The following PHLDB3 variants were observed in gnomAD, a reference collection of about 807,000 sequenced individuals.
The protein encoded by PHLDB3 is pleckstrin homology like domain family B member 3, also known as pleckstrin homology-like domain family B member 3.
In PHLDB3, 86 loss-of-function variants were observed where a neutral mutation model predicts 85.7. That is an observed-to-expected ratio of 1.00 (90% CI 0.84 to 1.20). The LOEUF is 1.20. Ranked by LOEUF, PHLDB3 falls within the 50% of genes most tolerant of loss-of-function variation. The pLI is 0.00. For missense variants in PHLDB3, 995 were observed against 873.0 expected (o/e 1.14, Z -1.76); for synonymous variants, 376 against 349.8 (o/e 1.07, Z -0.83).
At chr19:43,493,392 T>C (rs1971367004) in intron 9 of PHLDB3, among the ~76,000 whole-genome samples, 2 of 151,938 alleles carry the variant, frequency 1.3e-5, no homozygotes, top group Admixed American at 1.3e-4. Flanking sequence ...TCCCAGCAAT[T>C]TGGGAGGCTA....
At chr19:43,497,900 C>A in intron 4 of PHLDB3, 24 bp from the exon 5 acceptor site, 1 of 1,585,056 alleles carries the variant, frequency 6.3e-7, no homozygotes, top group South Asian at 1.2e-5. Flanking sequence ...AAGGTTCTCA[C>A]CCTCAGCTTA....
rs757285989 is a variant in PHLDB3 at position 43,486,851 on chromosome 19, A to T, written c.1269T>A (p.Ala423=). The T allele has an allele frequency of 7.0e-6, 11 of 1,568,204 alleles. No homozygotes were observed. The Admixed American group carries it at 1.4e-4, about 21-fold the overall frequency. The change falls in exon 11 of 16, where the codon GCT becomes GCA. Residue 423 remains alanine (A), a synonymous_variant. Coordinates refer to ENST00000292140, the MANE Select transcript of PHLDB3 (RefSeq NM_198850.4). ...CGGAGTCCCCCACTGCTGGCGGGAG[A>T]GCTGAGGCCTCCAGGGATTCTAGGG... ...FHCTESLEAS[A]LPPAVGDSGR...
chr19:43,476,094 C>T (rs2042449045), intron 15 of PHLDB3, among the ~76,000 whole-genome samples: 1 of 152,136 alleles, frequency 6.6e-6, no homozygotes, highest in African/African-American at 2.4e-5. Context: ...TGTGCCAGGC[C>T]GAGAAATTTA....
Position 43,494,602 on chromosome 19 carries a change from G to A in PHLDB3, c.1149+100C>T, listed in dbSNP as rs1010665827. On this transcript the variant is annotated intron_variant, in intron 9 of 15. Transcript: ENST00000292140. ...CCGGCCCCATACAGAAAATCAGAGT[G>A]GAAGTTCTGGAGACCCCAGTTCGGG... 78 of 949,952 alleles carry A rather than the reference G, an allele frequency of 8.2e-5. 1 individual carries two copies. Among genetic ancestry groups the A allele is most frequent in the Non-Finnish European group, 1.2e-4 (76 of 638,382 alleles). The allele number at this position is 949,952 out of a possible 1,614,324, so 58.8% of individuals were successfully genotyped here. A position where few individuals can be genotyped will look rare whatever the true frequency, so the allele number is the denominator to read the frequency against.
Position 43,479,291 on chromosome 19 carries a change from G to A in PHLDB3, c.1702+86C>T, listed in dbSNP as rs532363541. ...ATCCTGGGGAACATGGAAAGTGGGG[G>A]CCAGGACTTCTGGTGCCTGTAGAGG... is the stretch of plus-strand genomic sequence containing the variant. On this transcript the variant is annotated intron_variant, in intron 14 of 15. Coordinates refer to ENST00000292140, the MANE Select transcript of PHLDB3 (RefSeq NM_198850.4). The A allele has an allele frequency of 6.0e-4, 814 of 1,350,322 alleles. 1 individual carries two copies. The highest frequency in any genetic ancestry group is 8.0e-4 in the Admixed American group (39 of 48,668). The allele number at this position is 1,350,322 out of a possible 1,614,324, so 83.6% of individuals were successfully genotyped here. A position where few individuals can be genotyped will look rare whatever the true frequency, so the allele number is the denominator to read the frequency against.
intron 9 of PHLDB3, among the ~76,000 whole-genome samples, chr19:43,488,275 G>C (rs1971231328): frequency 6.6e-6 from 1 of 152,040 alleles, no homozygotes; most frequent in Admixed American, 6.6e-5. Context: ...GGGCAACATG[G>C]TGAAACTCTG....
At chr19:43,490,227 A>C (rs1971283326) in intron 9 of PHLDB3, among the ~76,000 whole-genome samples, 1 of 152,010 alleles carries the variant, frequency 6.6e-6, no homozygotes, top group Non-Finnish European at 1.5e-5. Flanking sequence ...TTAGGTAGTA[A>C]ATTTAGGAAT....
At chr19:43,501,594 C>T in intron 4 of PHLDB3, 140 bp downstream of exon 4, 1 of 1,414,688 alleles carries the variant, frequency 7.1e-7, no homozygotes, top group Non-Finnish European at 9.3e-7. Flanking sequence ...GGAGGGGCAT[C>T]TGCCCCTCAC....
At chr19:43,489,426 C>A (rs1171662536) in intron 9 of PHLDB3, among the ~76,000 whole-genome samples, 4 of 147,334 alleles carry the variant, frequency 2.7e-5, no homozygotes, top group Non-Finnish European at 4.4e-5. Context: ...ACTAGGTATG[C>A]ATAAAAGAGG....
At chr19:43,480,366 G>A (rs1335521491) in intron 13 of PHLDB3, among the ~76,000 whole-genome samples, 1 of 151,684 alleles carries the variant, frequency 6.6e-6, no homozygotes, top group African/African-American at 2.4e-5. Context: ...TGAAGTGGGA[G>A]GATCACTTGA....
In PHLDB3 at chr19:43,502,304, G is replaced by A. The variant is rs747530852; in HGVS notation, c.214-21C>T. On this transcript the variant is annotated intron_variant, in intron 2 of 15. Transcript: ENST00000292140. ...TCGGGCTGAAGTTGAGGGGGGCGTG[G>A]TTAAGTGGAGATGCCTCGCCCCCTG... 4 of 1,539,350 alleles carry A rather than the reference G, an allele frequency of 2.6e-6. No homozygotes were observed. In the South Asian group the frequency reaches 4.8e-5, roughly 18 times the overall value.
chr19:43,495,453 GA>G (rs1971431516), intron 7 of PHLDB3, 41 bp downstream of exon 7: 1 of 1,603,988 alleles, frequency 6.2e-7, no homozygotes, highest in African/African-American at 1.3e-5. Flanking sequence ...GCCCCAGGGG[GA>G]AGTGAGGACG....
At chr19:43,491,145 A>G (rs1185856426) in intron 9 of PHLDB3, among the ~76,000 whole-genome samples, 1 of 152,218 alleles carries the variant, frequency 6.6e-6, no homozygotes, top group Non-Finnish European at 1.5e-5. Flanking sequence ...ATTTTCATAT[A>G]TGCAATTTAC....
In PHLDB3 at chr19:43,497,244, A is replaced by T. The variant is rs142254017; in HGVS notation, c.699T>A (p.Tyr233Ter). The change falls in exon 6 of 16, where the codon TAT becomes TAA. Residue 233 changes from tyrosine to a stop codon, truncating the protein, a stop_gained. Transcript: ENST00000292140. LOFTEE classifies it high-confidence loss of function. ...REQLDVAQRA[Y>*]EDLEFQQLER... ...CCAGTTGCTGGAACTCCAGGTCCTC[A>T]TAGGCACGTTGGGCCACATCCAGTT... is the stretch of plus-strand genomic sequence containing the variant. 10 of 1,514,758 alleles carry T rather than the reference A, an allele frequency of 6.6e-6. No individual in the cohort carries two copies. The African/African-American group carries it at 1.4e-4, about 22-fold the overall frequency. The allele number at this position is 1,514,758 out of a possible 1,614,324, so 93.8% of individuals were successfully genotyped here.
chr19:43,480,402 G>C, intron 13 of PHLDB3, among the ~76,000 whole-genome samples: 1 of 151,758 alleles, frequency 6.6e-6, no homozygotes, highest in African/African-American at 2.4e-5. Flanking sequence ...ACCAGCCTGG[G>C]CAATATAGTG....
At chr19:43,475,587 C>A in intron 15 of PHLDB3, 43 bp from the exon 16 acceptor site, 2 of 1,611,452 alleles carry the variant, frequency 1.2e-6, no homozygotes, top group Non-Finnish European at 1.7e-6. Context: ...CAAAAGACAC[C>A]GGCCACAGTC....
chr19:43,491,624 CCCG>C, intron 9 of PHLDB3, among the ~76,000 whole-genome samples: 1 of 151,798 alleles, frequency 6.6e-6, no homozygotes, highest in Non-Finnish European at 1.5e-5. Context: ...GCCTCAGCCT[CCCG>C]AGTAACTGGG....
In PHLDB3 at chr19:43,497,140, T is replaced by A; in HGVS notation, c.803A>T (p.Gln268Leu). The change falls in exon 6 of 16, where the codon CAG (glutamine) becomes CTG (leucine). Residue 268 changes from glutamine (Q) to leucine (L), a missense_variant. Transcript: ENST00000292140. ...QVPDPKVQEL[Q>L]ASMAQHRRGA... Reference sequence around the variant, plus strand: ...CACTCTGTGCTGCGCCATGCTGGCCTGGAGTTCCTGGACCTTGGGGTCTGG... The same window carrying A: ...CACTCTGTGCTGCGCCATGCTGGCCAGGAGTTCCTGGACCTTGGGGTCTGG... 6.5e-7 allele frequency: 1 copy of A among 1,543,644 alleles called. No homozygotes were observed. Among genetic ancestry groups the A allele is most frequent in the Non-Finnish European group, 8.7e-7 (1 of 1,149,650 alleles).
intron 2 of PHLDB3, among the ~76,000 whole-genome samples, chr19:43,503,242 T>C (rs1971660062): frequency 6.6e-6 from 1 of 151,782 alleles, no homozygotes; most frequent in Admixed American, 6.6e-5. Context: ...ACTCGTTTGG[T>C]TCTCTCTGTT....
Sources: gnomAD v4.1 joint callset for allele counts (sites outside exome capture counted in the v4.1 genomes callset) on GRCh38, gnomAD v4.1.1 for gene constraint, MANE v1.5 for transcripts, NCBI Gene and HGNC (gene_info 2026-07-23, HGNC 2026-07-21) for gene names.